The following ZNF670 variants were observed in gnomAD, a reference collection of about 807,000 sequenced individuals.
ZNF670 encodes the protein zinc finger protein 670.
In ZNF670, 7 loss-of-function variants were observed where a neutral mutation model predicts 10.9. That is an observed-to-expected ratio of 0.64 (90% CI 0.36 to 1.20). The LOEUF is 1.20. ZNF670 is among the 50% of genes most tolerant of loss of function. ZNF670 has a pLI of 0.02. For synonymous variants in ZNF670, 136 were observed against 152.7 expected (o/e 0.89, Z 0.81); for missense variants, 446 against 458.6 (o/e 0.97, Z 0.25).
chr1:247,034,976 C>G lies in ZNF670; in HGVS notation c.*2473G>C, dbSNP rs185830874. 1.3e-4 allele frequency among the ~76,000 whole-genome samples: 20 copies of G among 152,302 alleles called. No homozygotes were observed. The highest frequency in any genetic ancestry group is 3.9e-4 in the Admixed American group (6 of 15,298). The stretch of plus-strand genomic sequence containing the variant: ...TCCTCCTGGGGAACGGCTGGTCAAC[C>G]AGTCATGTCTAGGAGTTGAGAGTTC... On this transcript the variant is annotated 3_prime_UTR_variant, in exon 4 of 4. Coordinates refer to ENST00000366503, the MANE Select transcript of ZNF670 (RefSeq NM_033213.5).
intron 1 of ZNF670, among the ~76,000 whole-genome samples, chr1:247,066,497 T>C (rs1487989342): frequency 2.6e-5 from 4 of 152,180 alleles, no homozygotes; most frequent in Admixed American, 2.0e-4. Context: ...CAGTGGAGCA[T>C]GGTCATGGAT....
chr1:247,068,319 C>CA lies in ZNF670; in HGVS notation c.3+10274dup, dbSNP rs74163724. 7.6e-3 allele frequency among the ~76,000 whole-genome samples: 420 copies of CA among 55,186 alleles called. 17 individuals are homozygous for CA. Among genetic ancestry groups the CA allele is most frequent in the African/African-American group, 0.01 (100 of 9,720 alleles). 36.2% of individuals were successfully genotyped at this position (55,186 alleles called of 152,430 possible). A position where few individuals can be genotyped will look rare whatever the true frequency, so the allele number is the denominator to read the frequency against. On this transcript the variant is annotated intron_variant, in intron 1 of 3. Transcript: ENST00000366503. ...AGGTGACAGAGTAAGATTCTGTCTC[C>CA]AAAAAAAAAAAAAAAAAAGATGGGC...
At chr1:247,074,316 C>T (rs572325697) in intron 1 of ZNF670, among the ~76,000 whole-genome samples, 1 of 152,010 alleles carries the variant, frequency 6.6e-6, no homozygotes, top group South Asian at 2.1e-4. Context: ...ACATACAACC[C>T]CTCTTTATGC....
In ZNF670 at chr1:247,036,159, T is replaced by C. The variant is rs116778658; in HGVS notation, c.*1290A>G. Among the ~76,000 whole-genome samples, 1 of 152,118 alleles carries C rather than the reference T, an allele frequency of 6.6e-6. No individual in the cohort carries two copies. The highest frequency in any genetic ancestry group is 1.5e-5 in the Non-Finnish European group (1 of 68,012). On this transcript the variant is annotated 3_prime_UTR_variant, in exon 4 of 4. Coordinates refer to ENST00000366503, the MANE Select transcript of ZNF670 (RefSeq NM_033213.5). ...TGCCAAAAACCACAAATCATCTCAA[T>C]AGATGCAGAAAAAAACATGTCATAA...
intron 1 of ZNF670, among the ~76,000 whole-genome samples, chr1:247,071,522 G>A (rs1671113629): frequency 6.6e-6 from 1 of 152,204 alleles, no homozygotes; most frequent in Non-Finnish European, 1.5e-5. Context: ...TGGTTACTAT[G>A]TTCACCACCT....
chr1:247,050,523 T>G (rs1295345301), intron 1 of ZNF670, among the ~76,000 whole-genome samples: 1 of 151,256 alleles, frequency 6.6e-6, no homozygotes, highest in Admixed American at 6.6e-5. Context: ...TCACCCAGGC[T>G]GGAGTGCAGT....
In ZNF670 at chr1:247,038,890, G is replaced by T. The variant is rs1670234107; in HGVS notation, c.131-20C>A. The T allele has an allele frequency of 1.9e-6, 3 of 1,592,950 alleles. No individual in the cohort carries two copies. Among genetic ancestry groups the T allele is most frequent in the South Asian group, 1.1e-5 (1 of 89,774 alleles). On this transcript the variant is annotated intron_variant, in intron 2 of 3. Coordinates refer to ENST00000366503, the MANE Select transcript of ZNF670 (RefSeq NM_033213.5). ...TGTTTCCTAAAAGGTACAACCATAA[G>T]ATTATTCAAATGATTAGAAACTTTA...
At chr1:247,057,705 T>C (rs1432513666) in intron 1 of ZNF670, among the ~76,000 whole-genome samples, 1 of 152,116 alleles carries the variant, frequency 6.6e-6, no homozygotes, top group Non-Finnish European at 1.5e-5. Flanking sequence ...AAACTGGAAG[T>C]CATTGTGTTA....
chr1:247,067,180 A>C (rs1161695678), intron 1 of ZNF670, among the ~76,000 whole-genome samples: 1 of 152,088 alleles, frequency 6.6e-6, no homozygotes, highest in Non-Finnish European at 1.5e-5. Context: ...TCATGCCTGT[A>C]ATCCTAGCAC....
At chr1:247,049,749 A>C (rs563252882) in intron 1 of ZNF670, among the ~76,000 whole-genome samples, 1 of 152,304 alleles carries the variant, frequency 6.6e-6, no homozygotes, top group African/African-American at 2.4e-5. Context: ...AAAAGTGTTT[A>C]AACTTCTATC....
chr1:247,045,944 T>C (rs1399247627), intron 1 of ZNF670, among the ~76,000 whole-genome samples: 3 of 152,174 alleles, frequency 2.0e-5, no homozygotes, highest in Non-Finnish European at 2.9e-5. Flanking sequence ...TGTTACACCC[T>C]GGCAAAGACT....
chr1:247,038,055 C>T lies in ZNF670; in HGVS notation c.564G>A (p.Gln188=). 5.0e-6 allele frequency: 8 copies of T among 1,614,128 alleles called. No homozygotes were observed. The highest frequency in any genetic ancestry group is 5.9e-6 in the Non-Finnish European group (7 of 1,180,006). The part of the protein sequence containing the change: ...FDFPSVFQMP[Q]STYTGEKTYK... Reference sequence around the variant, plus strand: ...ATGTTTTCTCTCCAGTGTAAGTGCTCTGAGGCATTTGAAATACACTAGGAA... The same window carrying T: ...ATGTTTTCTCTCCAGTGTAAGTGCTTTGAGGCATTTGAAATACACTAGGAA... The change falls in exon 4 of 4, where the codon CAG becomes CAA. Residue 188 remains glutamine, a synonymous_variant. Coordinates refer to ENST00000366503, the MANE Select transcript of ZNF670 (RefSeq NM_033213.5).
chr1:247,076,240 G>A (rs939008708), intron 1 of ZNF670, among the ~76,000 whole-genome samples: 5 of 151,196 alleles, frequency 3.3e-5, no homozygotes, highest in African/African-American at 1.2e-4. Flanking sequence ...ACTGTACTGT[G>A]CCCCACTGTG....
intron 1 of ZNF670, chr1:247,043,403 T>C: frequency 1.8e-6 from 1 of 551,154 alleles, no homozygotes; most frequent in South Asian, 1.7e-5. Context: ...TTCACCTAAC[T>C]GAAAAAATTC....
intron 1 of ZNF670, among the ~76,000 whole-genome samples, chr1:247,047,253 C>T (rs550892348): frequency 1.3e-5 from 2 of 152,244 alleles, no homozygotes; most frequent in Non-Finnish European, 2.9e-5. Flanking sequence ...GAATTCCAAC[C>T]CCACATTTCC....
At chr1:247,040,854 C>T (rs939308209) in intron 1 of ZNF670, among the ~76,000 whole-genome samples, 3 of 152,018 alleles carry the variant, frequency 2.0e-5, no homozygotes, top group African/African-American at 7.3e-5. Flanking sequence ...TGTCACCACG[C>T]CCAGCTGATT....
intron 1 of ZNF670, chr1:247,043,382 T>C: frequency 1.9e-6 from 1 of 540,366 alleles, no homozygotes; most frequent in South Asian, 1.7e-5. Context: ...GTCAAGATGT[T>C]AAAAAGAAAG....
chr1:247,065,936 G>T (rs1047286966), intron 1 of ZNF670, among the ~76,000 whole-genome samples: 1 of 152,138 alleles, frequency 6.6e-6, no homozygotes, highest in African/African-American at 2.4e-5. Flanking sequence ...ATGAAGCATT[G>T]TCACTTGGGA....
chr1:247,060,428 A>T (rs6676355), intron 1 of ZNF670, among the ~76,000 whole-genome samples: 85,052 of 152,130 alleles, frequency 0.56, 25,861 homozygotes, highest in African/African-American at 0.79. Context: ...AGGAAATAAA[A>T]AAGACACCTT....
Sources: gnomAD v4.1 joint callset for allele counts (sites outside exome capture counted in the v4.1 genomes callset) on GRCh38, gnomAD v4.1.1 for gene constraint, MANE v1.5 for transcripts, NCBI Gene and HGNC (gene_info 2026-07-23, HGNC 2026-07-21) for gene names.